Variants in ROBO2 observed in about 807,000 individuals in gnomAD.
The protein encoded by ROBO2 is roundabout homolog 2.
Under a neutral mutation model 160.8 loss-of-function variants are expected in ROBO2, and 53 were observed. The observed-to-expected ratio is 0.33, with a 90% confidence interval of 0.26 to 0.41. The LOEUF (loss-of-function observed/expected upper bound fraction) is 0.41. Ranked by LOEUF, ROBO2 falls within the 10% of genes least tolerant of loss-of-function variation. ROBO2 has a pLI of 1.00. For synonymous variants in ROBO2, 664 were observed against 611.7 expected (o/e 1.09, Z -1.26); for missense variants, 1,577 against 1,722.4 (o/e 0.92, Z 1.49).
intron 2 of ROBO2, among the ~76,000 whole-genome samples, chr3:76,875,031 CAA>C (rs921354672): frequency 1.3e-5 from 2 of 152,110 alleles, no homozygotes; most frequent in African/African-American, 4.8e-5. Flanking sequence ...AACTAATGGC[CAA>C]AAGAGGTGGG....
At chr3:77,503,548 T>G (rs940204819) in intron 5 of ROBO2, among the ~76,000 whole-genome samples, 1 of 148,720 alleles carries the variant, frequency 6.7e-6, no homozygotes, top group Non-Finnish European at 1.5e-5. Context: ...AATAAATAAA[T>G]AAATAAATAA....
At chr3:76,746,936 G>T (rs1381278921) in intron 2 of ROBO2, among the ~76,000 whole-genome samples, 1 of 152,044 alleles carries the variant, frequency 6.6e-6, no homozygotes, top group African/African-American at 2.4e-5. Flanking sequence ...GTTTGCTGAG[G>T]ATAATGGCGT....
At chr3:76,388,672 C>G (rs549444029) in intron 2 of ROBO2, among the ~76,000 whole-genome samples, 1 of 151,978 alleles carries the variant, frequency 6.6e-6, no homozygotes, top group Non-Finnish European at 1.5e-5. Context: ...ATGTGCCTTA[C>G]ATTTTGTCTT....
intron 2 of ROBO2, among the ~76,000 whole-genome samples, chr3:76,716,381 C>T (rs557291593): frequency 2.6e-5 from 4 of 152,304 alleles, no homozygotes; most frequent in Admixed American, 1.3e-4. Context: ...TCTCACCCAT[C>T]TTTTCCTTAT....
intron 2 of ROBO2, among the ~76,000 whole-genome samples, chr3:77,380,406 G>A (rs2073284223): frequency 6.6e-6 from 1 of 152,092 alleles, no homozygotes; most frequent in South Asian, 2.1e-4. Flanking sequence ...GGAGAACTGA[G>A]AGATTGAGAA....
chr3:76,964,581 G>A (rs1397176661), intron 2 of ROBO2, among the ~76,000 whole-genome samples: 2 of 152,118 alleles, frequency 1.3e-5, no homozygotes, highest in East Asian at 1.9e-4. Context: ...CTGACCTCAG[G>A]TGATCCACCC....
At chr3:76,482,465 A>G (rs938113116) in intron 2 of ROBO2, among the ~76,000 whole-genome samples, 1 of 152,170 alleles carries the variant, frequency 6.6e-6, no homozygotes, top group Non-Finnish European at 1.5e-5. Context: ...AATTTACTAT[A>G]GAAGGAAAAT....
chr3:76,600,899 C>A (rs796872020), intron 2 of ROBO2, among the ~76,000 whole-genome samples: 5 of 152,262 alleles, frequency 3.3e-5, no homozygotes, highest in African/African-American at 1.2e-4. Flanking sequence ...CAAGTTCCTC[C>A]CACCTATGAG....
At chr3:77,391,197 C>G (rs1049279177) in intron 2 of ROBO2, among the ~76,000 whole-genome samples, 1 of 152,158 alleles carries the variant, frequency 6.6e-6, no homozygotes, top group Non-Finnish European at 1.5e-5. Flanking sequence ...GAAGACAAAA[C>G]ACTTTCCTAA....
At chr3:76,440,582 CT>C (rs774849068) in intron 2 of ROBO2, among the ~76,000 whole-genome samples, 12 of 152,222 alleles carry the variant, frequency 7.9e-5, no homozygotes, top group Non-Finnish European at 1.5e-4. Context: ...AATACAATTC[CT>C]CTCATAAGTC....
intron 2 of ROBO2, among the ~76,000 whole-genome samples, chr3:76,998,842 G>T (rs943520613): frequency 1.3e-5 from 2 of 152,164 alleles, no homozygotes; most frequent in Admixed American, 6.6e-5. Context: ...CAAGTATATT[G>T]AGGGTGTAAG....
At chr3:76,804,074 A>C (rs1001698910) in intron 2 of ROBO2, among the ~76,000 whole-genome samples, 5 of 152,206 alleles carry the variant, frequency 3.3e-5, no homozygotes, top group African/African-American at 1.2e-4. Context: ...ATATTTACTG[A>C]GTTCCTATCT....
intron 2 of ROBO2, among the ~76,000 whole-genome samples, chr3:76,141,177 A>ATATATATATATATATATATATATG (rs1352311949): frequency 9.7e-6 from 1 of 103,222 alleles, no homozygotes; most frequent in African/African-American, 3.6e-5. Context: ...ATATATATAT[A>ATATATATATATATATATATATATG]TATATATATA....
intron 2 of ROBO2, among the ~76,000 whole-genome samples, chr3:76,300,827 T>G (rs745716501): frequency 1.3e-5 from 2 of 152,064 alleles, no homozygotes; most frequent in Non-Finnish European, 2.9e-5. Context: ...GAAAAGGAAA[T>G]GAAGCCAGGT....
At chr3:76,996,260 G>C (rs1220592966) in intron 2 of ROBO2, among the ~76,000 whole-genome samples, 1 of 152,060 alleles carries the variant, frequency 6.6e-6, no homozygotes, top group Non-Finnish European at 1.5e-5. Flanking sequence ...TCAGATAGTT[G>C]TAGACATGTG....
chr3:76,329,701 T>G (rs989049826), intron 2 of ROBO2, among the ~76,000 whole-genome samples: 1 of 152,220 alleles, frequency 6.6e-6, no homozygotes, highest in Non-Finnish European at 1.5e-5. Context: ...AGGAATCAGA[T>G]TCATGGTAGA....
intron 2 of ROBO2, among the ~76,000 whole-genome samples, chr3:77,242,381 T>G (rs1484427988): frequency 6.6e-6 from 1 of 152,138 alleles, no homozygotes; most frequent in Non-Finnish European, 1.5e-5. Context: ...CATCTTCCAC[T>G]GAAAAGAAAA....
At chr3:75,985,705 C>A (rs532575163) in intron 2 of ROBO2, among the ~76,000 whole-genome samples, 1 of 151,496 alleles carries the variant, frequency 6.6e-6, no homozygotes, top group Non-Finnish European at 1.5e-5. Flanking sequence ...CTGAAGCTGT[C>A]GACCCATTAA....
At chr3:76,401,078 T>G (rs2077786458) in intron 2 of ROBO2, among the ~76,000 whole-genome samples, 2 of 151,526 alleles carry the variant, frequency 1.3e-5, no homozygotes, top group Admixed American at 6.6e-5. Context: ...AATAATGAGA[T>G]AGGAAACATT....
Sources: gnomAD v4.1 joint callset for allele counts (sites outside exome capture counted in the v4.1 genomes callset) on GRCh38, gnomAD v4.1.1 for gene constraint, MANE v1.5 for transcripts, NCBI Gene and HGNC (gene_info 2026-07-23, HGNC 2026-07-21) for gene names.